The following CCDC83 variants were observed in gnomAD, a reference collection of about 807,000 sequenced individuals.
CCDC83 encodes coiled-coil domain-containing protein 83.
In CCDC83, 54 loss-of-function variants were observed where a neutral mutation model predicts 50.1. The ratio of observed to expected loss-of-function variants is 1.08; its 90% CI spans 0.87 to 1.35. The LOEUF (loss-of-function observed/expected upper bound fraction) is 1.35. CCDC83 is among the 40% of genes most tolerant of loss of function. The pLI is 0.00. For missense variants in CCDC83, 518 were observed against 473.9 expected, an observed-to-expected ratio of 1.09 and a Z score of -0.86; for synonymous variants, 161 against 153.3, an observed-to-expected ratio of 1.05 and a Z score of -0.37.
At chr11:85,875,637 A>T (rs1263742347) in intron 3 of CCDC83, among the ~76,000 whole-genome samples, 2 of 152,248 alleles carry the variant, frequency 1.3e-5, no homozygotes, top group Non-Finnish European at 2.9e-5. Context: ...TCTCCAGAAG[A>T]GTCCAGCTTA....
chr11:85,901,050 G>A (rs1476596955), intron 7 of CCDC83, among the ~76,000 whole-genome samples: 1 of 144,746 alleles, frequency 6.9e-6, no homozygotes, highest in Non-Finnish European at 1.5e-5. Flanking sequence ...GGGCGACAGA[G>A]CGAGACCCTG....
intron 1 of CCDC83, among the ~76,000 whole-genome samples, chr11:85,856,186 A>G (rs773377198): frequency 0.015 from 1,298 of 84,500 alleles, 21 homozygotes; most frequent in African/African-American, 0.046. Context: ...ATCTAAGCCA[A>G]AAAAAAAAAA....
chr11:85,856,844 A>G (rs1259401298), intron 1 of CCDC83, among the ~76,000 whole-genome samples: 2 of 152,224 alleles, frequency 1.3e-5, no homozygotes, highest in Admixed American at 6.5e-5. Flanking sequence ...AATTTTTAAA[A>G]TTAATGTTTT....
At chr11:85,880,295 T>C (rs1416742510) in intron 3 of CCDC83, among the ~76,000 whole-genome samples, 2 of 152,206 alleles carry the variant, frequency 1.3e-5, no homozygotes, top group African/African-American at 2.4e-5. Flanking sequence ...ATTTAATTAA[T>C]TTATTTATTG....
chr11:85,891,735 AT>A (rs2093351264), intron 5 of CCDC83, among the ~76,000 whole-genome samples: 1 of 152,176 alleles, frequency 6.6e-6, no homozygotes, highest in Non-Finnish European at 1.5e-5. Flanking sequence ...CATTTCCAGC[AT>A]TTGCTTTTCC....
At chr11:85,864,304 G>T (rs180976660) in intron 1 of CCDC83, among the ~76,000 whole-genome samples, 9 of 152,236 alleles carry the variant, frequency 5.9e-5, no homozygotes, top group African/African-American at 2.2e-4. Context: ...TTAAGGCTAG[G>T]TACTTATTCT....
At chr11:85,900,608 T>C (rs989888569) in intron 7 of CCDC83, among the ~76,000 whole-genome samples, 1 of 151,962 alleles carries the variant, frequency 6.6e-6, no homozygotes, top group Non-Finnish European at 1.5e-5. Context: ...TAAATATAAA[T>C]AGACATCCAA....
At chr11:85,873,362 G>T in intron 3 of CCDC83, 67 bp downstream of exon 3, 1 of 582,788 alleles carries the variant, frequency 1.7e-6, no homozygotes, top group South Asian at 3.0e-5. Flanking sequence ...AAAAAATTGT[G>T]GATTATGGTG....
chr11:85,889,626 G>C, intron 5 of CCDC83, among the ~76,000 whole-genome samples: 1 of 152,142 alleles, frequency 6.6e-6, no homozygotes, highest in East Asian at 1.9e-4. Flanking sequence ...ATATGAGCAA[G>C]ACTCCTAAAT....
intron 6 of CCDC83, among the ~76,000 whole-genome samples, chr11:85,898,309 C>G (rs1050518867): frequency 6.6e-6 from 1 of 152,050 alleles, no homozygotes; most frequent in African/African-American, 2.4e-5. Context: ...ACCATAGTAT[C>G]CATATAAAAG....
chr11:85,865,039 A>C lies in CCDC83; in HGVS notation c.-28-57A>C, dbSNP rs946805543. 178 of 871,496 alleles carry C rather than the reference A, an allele frequency of 2.0e-4. 10 individuals are homozygous for C. Among genetic ancestry groups the C allele is most frequent in the Non-Finnish European group, 1.7e-5 (9 of 528,452 alleles). The allele number at this position is 871,496 out of a possible 1,614,324, so 54.0% of individuals were successfully genotyped here. On this transcript the variant is annotated intron_variant, in intron 1 of 10. Coordinates refer to ENST00000342404, the MANE Select transcript of CCDC83 (RefSeq NM_001286159.2). The stretch of plus-strand genomic sequence containing the variant: ...CAGAGGTACCTTATCTAGAGTAAAC[A>C]AAAGTAGGGAGGCAAAGATGGAATT...
At chr11:85,919,232 TA>T (rs2093497218) in intron 10 of CCDC83, 116 bp from the exon 11 acceptor site, 1 of 902,142 alleles carries the variant, frequency 1.1e-6, no homozygotes. Flanking sequence ...ATCAGGCAAT[TA>T]GGGGGCAATG....
rs376185006 is a variant in CCDC83 at position 85,895,384 on chromosome 11, G to A, written c.603G>A (p.Gln201=). The change falls in exon 6 of 11, where the codon CAG becomes CAA. Residue 201 remains glutamine, a splice_region_variant and synonymous_variant. Transcript: ENST00000342404. ...ACCAAAAGAAGGAATGGGCCACACA[G>A]GTATAATTCAATTTTCTTAAAAACA... ...QLDQKKEWAT[Q]NAVKLIDKGS... The A allele has an allele frequency of 1.0e-5, 16 of 1,529,022 alleles. No individual in the cohort carries two copies. The African/African-American group carries it at 1.7e-4, about 16-fold the overall frequency. 94.7% of individuals were successfully genotyped at this position (1,529,022 alleles called of 1,614,324 possible). A position where few individuals can be genotyped will look rare whatever the true frequency, so the allele number is the denominator to read the frequency against.
rs976271227 is a variant in CCDC83 at position 85,855,494 on chromosome 11, A to G, written c.-119A>G. 46 of 152,188 alleles carry G rather than the reference A, an allele frequency of 3.0e-4. No homozygotes were observed. The highest frequency in any genetic ancestry group is 1.0e-3 in the African/African-American group (42 of 41,426). The allele number at this position is 152,188 out of a possible 1,614,324, so 9.4% of individuals were successfully genotyped here. A position where few individuals can be genotyped will look rare whatever the true frequency, so the allele number is the denominator to read the frequency against. On this transcript the variant is annotated 5_prime_UTR_variant, in exon 1 of 11. Coordinates refer to ENST00000342404, the MANE Select transcript of CCDC83 (RefSeq NM_001286159.2). ...AAGGAGGGCAGGCCTTTTTAATCTG[A>G]TCAGAATGTTAACCCATCTCTCCGC...
At chr11:85,866,958 G>T (rs911026822) in intron 2 of CCDC83, among the ~76,000 whole-genome samples, 2 of 152,142 alleles carry the variant, frequency 1.3e-5, no homozygotes, top group Non-Finnish European at 2.9e-5. Flanking sequence ...GGTGATTTAG[G>T]CAAGGGTCAG....
At chr11:85,860,065 G>C (rs1441823728) in intron 1 of CCDC83, among the ~76,000 whole-genome samples, 2 of 152,080 alleles carry the variant, frequency 1.3e-5, no homozygotes, top group Non-Finnish European at 2.9e-5. Context: ...GAGGCAGTCA[G>C]ATCACAAGGT....
chr11:85,916,275 C>T, intron 10 of CCDC83, 42 bp downstream of exon 10: 1 of 1,346,294 alleles, frequency 7.4e-7, no homozygotes, highest in Non-Finnish European at 1.0e-6. Flanking sequence ...TAAGAAAATG[C>T]TGTTTTGAGA....
At position 85,899,015 on chromosome 11, in the gene CCDC83, G is replaced by T. The variant is rs138869436; in HGVS notation, c.672G>T (p.Glu224Asp). The change falls in exon 7 of 11, where the codon GAG (glutamate) becomes GAT (aspartate). Residue 224 changes from glutamate to aspartate, a missense_variant and splice_region_variant. By Grantham distance (45) the Glu-to-Asp change is conservative. Coordinates refer to ENST00000342404, the MANE Select transcript of CCDC83 (RefSeq NM_001286159.2). The stretch of plus-strand genomic sequence containing the variant: ...GGGAGAATGACTGGCTCAAAAAAGA[G>T]GTAAGTGGAATTTATCAAAACAAAC... ...EIWENDWLKK[E>D]VAIHRKEVEE... 1 of 1,603,632 alleles carries T rather than the reference G, an allele frequency of 6.2e-7. No homozygotes were observed. Among genetic ancestry groups the T allele is most frequent in the South Asian group, 1.1e-5 (1 of 90,350 alleles).
intron 10 of CCDC83, among the ~76,000 whole-genome samples, chr11:85,917,427 G>C (rs1176246150): frequency 6.6e-6 from 1 of 152,192 alleles, no homozygotes; most frequent in Non-Finnish European, 1.5e-5. Context: ...CCTACATCTT[G>C]ATGGAGGAAG....
Sources: gnomAD v4.1 joint callset for allele counts (sites outside exome capture counted in the v4.1 genomes callset) on GRCh38, gnomAD v4.1.1 for gene constraint, MANE v1.5 for transcripts, NCBI Gene and HGNC (gene_info 2026-07-23, HGNC 2026-07-21) for gene names.